The following SLC29A4 variants were observed in gnomAD, a reference collection of about 807,000 sequenced individuals.
The protein encoded by SLC29A4 is equilibrative nucleoside transporter 4.
In SLC29A4, 36 loss-of-function variants were observed where a neutral mutation model predicts 43.9. That is an observed-to-expected ratio of 0.82 (90% CI 0.63 to 1.08). The LOEUF (loss-of-function observed/expected upper bound fraction) is 1.08. SLC29A4 is among the 50% of genes least tolerant of loss of function. The pLI is 0.00. For synonymous variants in SLC29A4, 491 were observed against 338.0 expected (o/e 1.45, Z -4.97); for missense variants, 869 against 755.3 (o/e 1.15, Z -1.77).
At chr7:5,287,123 C>G (rs539386429) in intron 1 of SLC29A4, among the ~76,000 whole-genome samples, 1 of 152,306 alleles carries the variant, frequency 6.6e-6, no homozygotes, top group South Asian at 2.1e-4. Context: ...CACCTTGAGA[C>G]ACACCAGGTG....
In SLC29A4 at chr7:5,296,994, C is replaced by A. The variant is rs142745008; in HGVS notation, c.678C>A (p.Asp226Glu). The A allele has an allele frequency of 3.7e-6, 6 of 1,603,868 alleles. No individual in the cohort carries two copies. Among genetic ancestry groups the A allele is most frequent in the Non-Finnish European group, 5.1e-6 (6 of 1,179,558 alleles). Residue 226 changes from aspartate (D) to glutamate (E), a missense_variant, in exon 7 of 11, where the codon GAC becomes GAA. Asp to Glu is a conservative substitution (Grantham distance 45). Coordinates refer to ENST00000396872, the MANE Select transcript of SLC29A4 (RefSeq NM_153247.4). ...TCCTCACGAAGCTGCTGCTGCCCGA[C>A]GAGCGCGCCAGCACGCTCATCTTCT... Reference protein sequence around the residue: ...SRILTKLLLPDERASTLIFFL... With the variant: ...SRILTKLLLPEERASTLIFFL...
chr7:5,292,689 C>CATTTTTTT (rs1785380928), intron 5 of SLC29A4, among the ~76,000 whole-genome samples: 1 of 85,736 alleles, frequency 1.2e-5, no homozygotes. Flanking sequence ...ACATTTTTTT[C>CATTTTTTT]CTTTTTTTTT....
chr7:5,294,466 C>G (rs1785513932), intron 5 of SLC29A4, among the ~76,000 whole-genome samples: 1 of 152,140 alleles, frequency 6.6e-6, no homozygotes, highest in South Asian at 2.1e-4. Context: ...TGCTGCCTGT[C>G]TTCTCTGGAG....
chr7:5,299,431 G>C lies in SLC29A4; in HGVS notation c.1209+4G>C. ...CCTGTCAGACTTCGTGGGCAAGGTG[G>C]GCTGCCTGCCCTGCCCGGTGTCGGG... On this transcript the variant is annotated splice_donor_region_variant and intron_variant, in intron 9 of 10. Transcript: ENST00000396872. 6.2e-7 allele frequency: 1 copy of C among 1,609,482 alleles called. No homozygotes were observed. The highest frequency in any genetic ancestry group is 1.1e-5 in the South Asian group (1 of 90,684).
intron 1 of SLC29A4, among the ~76,000 whole-genome samples, chr7:5,285,332 G>A (rs1379724763): frequency 1.3e-5 from 2 of 151,922 alleles, no homozygotes; most frequent in Non-Finnish European, 2.9e-5. Context: ...GCAGTCAGGG[G>A]AGCCTTGAGC....
chr7:5,296,671 G>C (rs1479232941), intron 6 of SLC29A4, among the ~76,000 whole-genome samples: 2 of 145,960 alleles, frequency 1.4e-5, no homozygotes, highest in African/African-American at 5.1e-5. Flanking sequence ...GCCACTCATT[G>C]TAGGAATTGC....
In SLC29A4 at chr7:5,300,568, C is replaced by T. The variant is rs1489253944; in HGVS notation, c.1356C>T (p.Phe452=). ...GTCACCCCGCCTGGCCCTGCATCTTCTCACTGCTCATGGGCATCAGCAACG... is the reference window on the plus strand; with the variant it reads ...GTCACCCCGCCTGGCCCTGCATCTTTTCACTGCTCATGGGCATCAGCAACG... ...ALRHPAWPCI[F]SLLMGISNGY... The change falls in exon 10 of 11, where the codon TTC becomes TTT. Residue 452 remains phenylalanine, a synonymous_variant. Coordinates refer to ENST00000396872, the MANE Select transcript of SLC29A4 (RefSeq NM_153247.4). The T allele has an allele frequency of 2.5e-6, 4 of 1,612,424 alleles. No homozygotes were observed. Among genetic ancestry groups the T allele is most frequent in the Non-Finnish European group, 3.4e-6 (4 of 1,179,668 alleles).
In SLC29A4 at chr7:5,299,119, C is replaced by T. The variant is rs779480589; in HGVS notation, c.1014C>T (p.Thr338=). Residue 338 remains threonine, a synonymous_variant, in exon 8 of 11, where the codon ACC becomes ACT. Coordinates refer to ENST00000396872, the MANE Select transcript of SLC29A4 (RefSeq NM_153247.4). The stretch of plus-strand genomic sequence containing the variant: ...CAAGGGTCCAGCGCAGCTGGCCCAC[C>T]TTCAGAGGTGAGTGCGGGGAGTCCT... ...PRPRVQRSWP[T]FRALLLHRYV... is the part of the protein sequence containing the mutation. The T allele has an allele frequency of 1.4e-5, 22 of 1,610,052 alleles. No individual in the cohort carries two copies. In the Admixed American group the frequency reaches 3.2e-4, roughly 23 times the overall value.
intron 1 of SLC29A4, among the ~76,000 whole-genome samples, chr7:5,285,747 C>A (rs1288432994): frequency 6.6e-6 from 1 of 152,222 alleles, no homozygotes; most frequent in Non-Finnish European, 1.5e-5. Context: ...CGCAGTGGCT[C>A]ATGCCTATAA....
chr7:5,299,948 A>T (rs1161427467), intron 9 of SLC29A4, among the ~76,000 whole-genome samples: 5 of 152,218 alleles, frequency 3.3e-5, no homozygotes. Context: ...GCTACTTGGG[A>T]AGCTGAGGCA....
intron 6 of SLC29A4, among the ~76,000 whole-genome samples, chr7:5,295,954 T>C (rs556716727): frequency 2.0e-5 from 3 of 146,438 alleles, no homozygotes; most frequent in South Asian, 4.7e-4. Flanking sequence ...TGGCCCACCA[T>C]GGCCCTGACC....
At chr7:5,285,776 C>T (rs188521404) in intron 1 of SLC29A4, among the ~76,000 whole-genome samples, 9 of 152,218 alleles carry the variant, frequency 5.9e-5, no homozygotes, top group Admixed American at 5.9e-4. Flanking sequence ...CTTTGGGAGG[C>T]CAAGGCGAGA....
chr7:5,304,197 G>GC lies in SLC29A4; in HGVS notation c.*1259dup, dbSNP rs1393155762. ...TGAGGTGGGCCGGGTGGATCAGGGAGCAGGAGGGTGTCCTCACACTGGGTA... is the reference window on the plus strand; with the variant it reads ...TGAGGTGGGCCGGGTGGATCAGGGAGCCAGGAGGGTGTCCTCACACTGGGTA... On this transcript the variant is annotated 3_prime_UTR_variant, in exon 11 of 11. Coordinates refer to ENST00000396872, the MANE Select transcript of SLC29A4 (RefSeq NM_153247.4). The GC allele has an allele frequency of 9.2e-5, 14 of 152,552 alleles. No individual in the cohort carries two copies. The highest frequency in any genetic ancestry group is 3.4e-4 in the African/African-American group (14 of 41,476). 9.4% of individuals were successfully genotyped at this position (152,552 alleles called of 1,614,324 possible). A position where few individuals can be genotyped will look rare whatever the true frequency, so the allele number is the denominator to read the frequency against.
chr7:5,298,541 C>T (rs954249268), intron 7 of SLC29A4, among the ~76,000 whole-genome samples: 7 of 152,242 alleles, frequency 4.6e-5, no homozygotes, highest in African/African-American at 1.4e-4. Flanking sequence ...CCTGCAATCC[C>T]AGCTATACAG....
Position 5,296,966 on chromosome 7 carries a change from G to T in SLC29A4, c.650G>T (p.Arg217Leu), listed in dbSNP as rs535834277. The T allele has an allele frequency of 3.8e-6, 6 of 1,598,264 alleles. No homozygotes were observed. Among genetic ancestry groups the T allele is most frequent in the Non-Finnish European group, 5.1e-6 (6 of 1,178,660 alleles). Reference sequence around the variant, plus strand: ...GCGGGCGTGATGATCTCTCTGAGCCGCATCCTCACGAAGCTGCTGCTGCCC... The same window carrying T: ...GCGGGCGTGATGATCTCTCTGAGCCTCATCCTCACGAAGCTGCTGCTGCCC... The part of the protein sequence containing the change: ...STAGVMISLS[R>L]ILTKLLLPDE... The change falls in exon 7 of 11, where the codon CGC (arginine) becomes CTC (leucine). Residue 217 changes from arginine to leucine, a missense_variant. Arg to Leu is a moderately radical substitution (Grantham distance 102). Coordinates refer to ENST00000396872, the MANE Select transcript of SLC29A4 (RefSeq NM_153247.4).
At chr7:5,298,022 T>C (rs370844813) in intron 7 of SLC29A4, among the ~76,000 whole-genome samples, 1 of 152,100 alleles carries the variant, frequency 6.6e-6, no homozygotes, top group Non-Finnish European at 1.5e-5. Flanking sequence ...TGTACAGGCT[T>C]GGGGACACCT....
intron 6 of SLC29A4, among the ~76,000 whole-genome samples, chr7:5,296,631 C>A (rs939627471): frequency 6.1e-5 from 1 of 16,274 alleles, no homozygotes; most frequent in African/African-American, 2.4e-4. Context: ...TGAGTGGGGG[C>A]GGAGCTGAGT....
At chr7:5,301,505 G>A (rs6974859) in intron 10 of SLC29A4, among the ~76,000 whole-genome samples, 34,310 of 151,986 alleles carry the variant, frequency 0.23, 4,295 homozygotes, top group East Asian at 0.54. Flanking sequence ...GGAAGAGGGA[G>A]CAGCATGTGC....
chr7:5,304,562 T>G lies in SLC29A4; in HGVS notation c.*1623T>G, dbSNP rs1475070703. The G allele has an allele frequency of 6.6e-6, 1 of 152,244 alleles. No individual in the cohort carries two copies. Among genetic ancestry groups the G allele is most frequent in the Non-Finnish European group, 1.5e-5 (1 of 68,208 alleles). The allele number at this position is 152,244 out of a possible 1,614,324, so 9.4% of individuals were successfully genotyped here. A position where few individuals can be genotyped will look rare whatever the true frequency, so the allele number is the denominator to read the frequency against. The stretch of plus-strand genomic sequence containing the variant: ...CTTGCTCTTGTCACCCAGGCTGGAG[T>G]GCAGTGGCACGATCTTGGCTCACTG... On this transcript the variant is annotated 3_prime_UTR_variant, in exon 11 of 11. Transcript: ENST00000396872.
Sources: gnomAD v4.1 joint callset for allele counts (sites outside exome capture counted in the v4.1 genomes callset) on GRCh38, gnomAD v4.1.1 for gene constraint, MANE v1.5 for transcripts, NCBI Gene and HGNC (gene_info 2026-07-23, HGNC 2026-07-21) for gene names.